The following SNX6 variants were observed in gnomAD, a reference collection of about 807,000 sequenced individuals.
SNX6 encodes the protein sorting nexin-6.
Under a neutral mutation model 63.0 loss-of-function variants are expected in SNX6, and 34 were observed. The ratio of observed to expected loss-of-function variants is 0.54; its 90% CI spans 0.41 to 0.72. The LOEUF (loss-of-function observed/expected upper bound fraction) is 0.72. Among genes scored for constraint, SNX6 ranks in the 30% least tolerant of loss-of-function variants. The pLI is 0.00. For synonymous variants in SNX6, 170 were observed against 164.2 expected, an observed-to-expected ratio of 1.04 and a Z score of -0.27; for missense variants, 398 against 471.4, an observed-to-expected ratio of 0.84 and a Z score of 1.44.
chr14:34,581,922 G>A (rs1224174194), intron 9 of SNX6, among the ~76,000 whole-genome samples: 6 of 151,990 alleles, frequency 3.9e-5, no homozygotes, highest in Non-Finnish European at 8.8e-5. Context: ...TCTGCCTCCC[G>A]AGTTCAAGCG....
chr14:34,597,574 A>C lies in SNX6; in HGVS notation c.588T>G (p.Asp196Glu). ...DFFKNMVKSA[D>E]GVIVSGVKDV... is the part of the protein sequence containing the mutation. The stretch of plus-strand genomic sequence containing the variant: ...CCTTTACTCCTGAAACGATTACTCC[A>C]TCTGCTGATTTAACCATGTTTTTAA... Residue 196 changes from aspartate to glutamate, a missense_variant, in exon 7 of 14, where the codon GAT (aspartate) becomes GAG (glutamate). By Grantham distance (45) the Asp-to-Glu change is conservative. Transcript: ENST00000362031. The C allele has an allele frequency of 6.2e-7, 1 of 1,605,144 alleles. No individual in the cohort carries two copies. Among genetic ancestry groups the C allele is most frequent in the Non-Finnish European group, 8.5e-7 (1 of 1,173,394 alleles).
intron 6 of SNX6, among the ~76,000 whole-genome samples, chr14:34,598,084 A>G (rs1184644848): frequency 6.6e-6 from 1 of 152,150 alleles, no homozygotes; most frequent in African/African-American, 2.4e-5. Flanking sequence ...TATATATCCT[A>G]TACATTTGGA....
intron 8 of SNX6, among the ~76,000 whole-genome samples, chr14:34,590,320 C>T (rs1392474084): frequency 3.3e-5 from 5 of 151,122 alleles, no homozygotes; most frequent in African/African-American, 4.9e-5. Flanking sequence ...CCCAGGTTCT[C>T]GGGAGGCTGA....
rs1260685062 is a variant in SNX6 at position 34,561,941 on chromosome 14, TTAAAC to T, written c.*1176_*1180del. Reference sequence around the variant, plus strand: ...AAAATCCAACCACGCAACCTTAACTTTAAACTAGGAATGACAATAATGTGTCTAAT... The same window carrying T: ...AAAATCCAACCACGCAACCTTAACTTTAGGAATGACAATAATGTGTCTAAT... On this transcript the variant is annotated 3_prime_UTR_variant, in exon 14 of 14. Coordinates refer to ENST00000362031, the MANE Select transcript of SNX6 (RefSeq NM_152233.4). The T allele has an allele frequency of 2.5e-5, 2 of 80,798 alleles. No individual in the cohort carries two copies. Among genetic ancestry groups the T allele is most frequent in the African/African-American group, 1.2e-4 (2 of 16,778 alleles). The allele number at this position is 80,798 out of a possible 1,614,324, so 5.0% of individuals were successfully genotyped here.
At chr14:34,626,974 G>A (rs1346023396) in intron 2 of SNX6, among the ~76,000 whole-genome samples, 5 of 152,048 alleles carry the variant, frequency 3.3e-5, no homozygotes, top group Non-Finnish European at 7.4e-5. Flanking sequence ...ACTTCATTAA[G>A]TAACTCTGCT....
intron 6 of SNX6, among the ~76,000 whole-genome samples, chr14:34,600,810 G>C (rs1429618780): frequency 6.6e-6 from 1 of 152,058 alleles, no homozygotes; most frequent in Non-Finnish European, 1.5e-5. Context: ...GGCCGACGCA[G>C]GCAGATCACC....
At chr14:34,596,266 A>T (rs1246415270) in intron 7 of SNX6, among the ~76,000 whole-genome samples, 1 of 151,710 alleles carries the variant, frequency 6.6e-6, no homozygotes, top group African/African-American at 2.4e-5. Context: ...CACACATATT[A>T]TCTCATTCAA....
In SNX6 at chr14:34,622,246, G is replaced by A. The variant is rs553315814; in HGVS notation, c.54+7661C>T. 3.0e-4 allele frequency among the ~76,000 whole-genome samples: 45 copies of A among 147,728 alleles called. 1 individual carries two copies. Among genetic ancestry groups the A allele is most frequent in the Admixed American group, 6.0e-4 (9 of 14,932 alleles). On this transcript the variant is annotated intron_variant, in intron 2 of 13. Coordinates refer to ENST00000362031, the MANE Select transcript of SNX6 (RefSeq NM_152233.4). ...CATAGTGCTGGGATTATAGGCATGAGCCACTGCACCCGGCCTGGGCATGTC... is the reference window on the plus strand; with the variant it reads ...CATAGTGCTGGGATTATAGGCATGAACCACTGCACCCGGCCTGGGCATGTC...
At chr14:34,581,665 G>A in intron 9 of SNX6, 65 bp from the exon 10 acceptor site, 3 of 993,848 alleles carry the variant, frequency 3.0e-6, no homozygotes, top group East Asian at 2.4e-5. Context: ...AAATGTATGA[G>A]AATATGCTCC....
chr14:34,563,352 A>T (rs930663691), intron 13 of SNX6, among the ~76,000 whole-genome samples, 177 bp from the exon 14 acceptor site: 4 of 152,088 alleles, frequency 2.6e-5, no homozygotes, highest in African/African-American at 9.7e-5. Flanking sequence ...AGGTCAGGAG[A>T]TCGAGACCAT....
At chr14:34,603,582 A>G in intron 5 of SNX6, 111 bp from the exon 6 acceptor site, 1 of 838,096 alleles carries the variant, frequency 1.2e-6, no homozygotes, top group East Asian at 3.0e-5. Flanking sequence ...CAAATCAGAG[A>G]TACAAAGATA....
rs993591150 is a variant in SNX6, at chr14:34,569,140, G to A, written c.922-1127C>T. ...AGTAACTCCAGGCATCATGCGGCCCGGCCTGTGCACTGCCAGCCAGGGGAA... is the reference window on the plus strand; with the variant it reads ...AGTAACTCCAGGCATCATGCGGCCCAGCCTGTGCACTGCCAGCCAGGGGAA... On this transcript the variant is annotated intron_variant, in intron 11 of 13. Coordinates refer to ENST00000362031, the MANE Select transcript of SNX6 (RefSeq NM_152233.4). 1.5e-5 allele frequency: 12 copies of A among 823,070 alleles called. 1 individual carries two copies. The highest frequency in any genetic ancestry group is 7.3e-5 in the East Asian group (3 of 41,128). 51.0% of individuals were successfully genotyped at this position (823,070 alleles called of 1,614,324 possible).
At chr14:34,603,727 C>T (rs921710290) in intron 5 of SNX6, among the ~76,000 whole-genome samples, 3 of 151,962 alleles carry the variant, frequency 2.0e-5, no homozygotes, top group African/African-American at 7.2e-5. Context: ...ATTTTTCTTA[C>T]TTATGCGAGT....
At chr14:34,574,371 G>A (rs972145150) in intron 11 of SNX6, among the ~76,000 whole-genome samples, 16 of 150,166 alleles carry the variant, frequency 1.1e-4, no homozygotes, top group Admixed American at 3.3e-4. Flanking sequence ...AAATCCTTTC[G>A]CAGTATGTGG....
chr14:34,589,623 C>T (rs918198893), intron 8 of SNX6, among the ~76,000 whole-genome samples: 2 of 150,628 alleles, frequency 1.3e-5, no homozygotes, highest in African/African-American at 4.9e-5. Context: ...ACCTGGAGTT[C>T]GAGACCAGCC....
chr14:34,603,996 A>G, intron 5 of SNX6: 1 of 557,102 alleles, frequency 1.8e-6, no homozygotes, highest in South Asian at 4.1e-5. Context: ...TGTGTTTAAA[A>G]TATTTTAATA....
At chr14:34,596,803 GGAT>G in intron 7 of SNX6, among the ~76,000 whole-genome samples, 1 of 151,924 alleles carries the variant, frequency 6.6e-6, no homozygotes, top group Middle Eastern at 3.4e-3. Context: ...CGAGTAGCTG[GGAT>G]TACAGGCACG....
At chr14:34,604,573 T>C (rs1882945642) in intron 5 of SNX6, among the ~76,000 whole-genome samples, 1 of 152,136 alleles carries the variant, frequency 6.6e-6, no homozygotes, top group Non-Finnish European at 1.5e-5. Context: ...AGGTGATAAC[T>C]AAGGAAAATT....
chr14:34,598,439 T>C (rs1882683701), intron 6 of SNX6, among the ~76,000 whole-genome samples: 1 of 152,244 alleles, frequency 6.6e-6, no homozygotes, highest in Non-Finnish European at 1.5e-5. Context: ...CATCCAAGGC[T>C]GAAGTGCAGT....
Sources: allele counts gnomAD v4.1 joint callset (sites outside exome capture counted in the v4.1 genomes callset), GRCh38; gene constraint gnomAD v4.1.1; transcripts MANE v1.5; gene names NCBI Gene and HGNC (gene_info 2026-07-23, HGNC 2026-07-21).